Variants in FRY observed in about 807,000 individuals in gnomAD.
The protein encoded by FRY is FRY microtubule binding protein.
Under a neutral mutation model 348.4 loss-of-function variants are expected in FRY, and 128 were observed. The ratio of observed to expected loss-of-function variants is 0.37; its 90% CI spans 0.32 to 0.43. The LOEUF is 0.43. Ranked by LOEUF, FRY falls within the 20% of genes least tolerant of loss-of-function variation. The pLI, the probability that FRY is intolerant of heterozygous loss-of-function variation, is 1.00. For synonymous variants in FRY, 1,370 were observed against 1,374.7 expected (o/e 1.00, Z 0.08); for missense variants, 2,736 against 3,695.2 (o/e 0.74, Z 6.73).
At chr13:32,108,952 G>A (rs937719323) in intron 3 of FRY, among the ~76,000 whole-genome samples, 3 of 152,128 alleles carry the variant, frequency 2.0e-5, no homozygotes, top group Admixed American at 2.0e-4. Flanking sequence ...TAATGCCAGT[G>A]GGATGGGGCT....
intron 29 of FRY, 90 bp from the exon 30 acceptor site, chr13:32,201,851 A>G: frequency 2.5e-6 from 2 of 807,722 alleles, no homozygotes; most frequent in South Asian, 2.7e-5. Context: ...GACCGAGGTC[A>G]GCATGCCAGC....
intron 29 of FRY, among the ~76,000 whole-genome samples, chr13:32,195,567 C>A (rs947343270): frequency 2.6e-5 from 4 of 152,158 alleles, no homozygotes; most frequent in African/African-American, 9.7e-5. Context: ...TTGGCTTGAG[C>A]TATCCTAATC....
chr13:32,095,381 T>C (rs1052217924), intron 2 of FRY, among the ~76,000 whole-genome samples: 2 of 129,012 alleles, frequency 1.6e-5, no homozygotes, highest in African/African-American at 2.9e-5. Context: ...GGAGTCTCAC[T>C]CTGTCACCCA....
At chr13:32,135,953 A>T (rs1260704897) in intron 10 of FRY, among the ~76,000 whole-genome samples, 1 of 152,004 alleles carries the variant, frequency 6.6e-6, no homozygotes, top group Non-Finnish European at 1.5e-5. Flanking sequence ...GACTAACTGC[A>T]TGCATATTTT....
At chr13:32,209,379 A>G (rs912374675) in intron 32 of FRY, among the ~76,000 whole-genome samples, 1 of 152,106 alleles carries the variant, frequency 6.6e-6, no homozygotes, top group Non-Finnish European at 1.5e-5. Context: ...TATTTAAAAA[A>G]CTCACATGAA....
intron 38 of FRY, 120 bp from the exon 39 acceptor site, chr13:32,225,669 C>T (rs1885541633): frequency 2.3e-6 from 2 of 870,476 alleles, no homozygotes; most frequent in Admixed American, 3.5e-5. Flanking sequence ...CAAACAATAA[C>T]AAAGAAAACT....
chr13:32,194,105 T>A, intron 28 of FRY, 38 bp from the exon 29 acceptor site: 1 of 1,584,022 alleles, frequency 6.3e-7, no homozygotes, highest in Non-Finnish European at 8.7e-7. Flanking sequence ...CATTCTTTCA[T>A]CAAATGGGAA....
intron 58 of FRY, among the ~76,000 whole-genome samples, chr13:32,289,285 T>C (rs1179677200): frequency 2.0e-5 from 3 of 152,176 alleles, no homozygotes; most frequent in African/African-American, 7.2e-5. Flanking sequence ...GAAATTTTTC[T>C]TTTTAAAAAT....
At chr13:32,175,986 CTTTATAG>C (rs767538412) in intron 20 of FRY, among the ~76,000 whole-genome samples, 38 of 152,224 alleles carry the variant, frequency 2.5e-4, no homozygotes, top group Admixed American at 9.8e-4. Flanking sequence ...TTATGTGGTA[CTTTATAG>C]TTTACAGAGT....
At chr13:32,095,830 C>T (rs1032277818) in intron 2 of FRY, among the ~76,000 whole-genome samples, 6 of 152,144 alleles carry the variant, frequency 3.9e-5, no homozygotes, top group African/African-American at 1.4e-4. Flanking sequence ...CTGAAGCAGG[C>T]CTGAGACTTA....
At chr13:32,034,085 T>G (rs1030237755) in intron 1 of FRY, among the ~76,000 whole-genome samples, 1 of 152,208 alleles carries the variant, frequency 6.6e-6, no homozygotes, top group African/African-American at 2.4e-5. Flanking sequence ...CTCACAAGTT[T>G]GAGAGGTGAG....
At chr13:32,132,125 A>G (rs777736901) in intron 8 of FRY, among the ~76,000 whole-genome samples, 10 of 152,118 alleles carry the variant, frequency 6.6e-5, no homozygotes, top group Non-Finnish European at 8.8e-5. Context: ...TGAATAAAAT[A>G]TAACTGATTT....
intron 21 of FRY, 118 bp downstream of exon 21, chr13:32,178,554 A>T (rs1200665449): frequency 2.6e-6 from 3 of 1,149,412 alleles, no homozygotes; most frequent in South Asian, 2.9e-5. Flanking sequence ...CCTACTAGAG[A>T]ATTCTTAACA....
At chr13:32,255,804 A>G (rs999881008) in intron 51 of FRY, among the ~76,000 whole-genome samples, 1 of 152,228 alleles carries the variant, frequency 6.6e-6, no homozygotes, top group African/African-American at 2.4e-5. Context: ...GACAGAGCTC[A>G]GAGTTCAGCT....
At chr13:32,123,994 C>A (rs894564398) in intron 4 of FRY, among the ~76,000 whole-genome samples, 2 of 152,216 alleles carry the variant, frequency 1.3e-5, no homozygotes, top group African/African-American at 4.8e-5. Context: ...GCTACCATGC[C>A]ACCTGGCTAA....
In FRY at chr13:32,179,790, T is replaced by A; in HGVS notation, c.2987T>A (p.Leu996His). 1 of 1,613,624 alleles carries A rather than the reference T, an allele frequency of 6.2e-7. No homozygotes were observed. Among genetic ancestry groups the A allele is most frequent in the Non-Finnish European group, 8.5e-7 (1 of 1,179,516 alleles). ...LVLGFGRTNS[L>H]VFRELVEELH... Reference sequence around the variant, plus strand: ...TTAGGATTTGGAAGAACAAATTCCCTTGTTTTCAGGTACAGTAGTCTTAAT... The same window carrying A: ...TTAGGATTTGGAAGAACAAATTCCCATGTTTTCAGGTACAGTAGTCTTAAT... The change falls in exon 23 of 61, where the codon CTT (leucine) becomes CAT (histidine). Residue 996 changes from leucine (L) to histidine (H), a missense_variant. Around this residue, in one of 9 missense-constraint regions of FRY, gnomAD observed 449 missense variants for 576.9 expected, o/e 0.78. Coordinates refer to ENST00000542859, the MANE Select transcript of FRY (RefSeq NM_023037.3).
At chr13:32,125,002 C>T in intron 7 of FRY, 127 bp downstream of exon 7, 1 of 755,380 alleles carries the variant, frequency 1.3e-6, no homozygotes. Context: ...ATGTGTGCCC[C>T]ATCTCTGAAA....
At position 32,224,335 on chromosome 13, in the gene FRY, C is replaced by G. The variant is rs371353662; in HGVS notation, c.4866C>G (p.Pro1622=). Residue 1622 remains proline, a synonymous_variant, in exon 37 of 61, where the codon CCC becomes CCG. Transcript: ENST00000542859. ...PMPCTGGCWA[P]LVDYLPETIT... ...CTTGTACTGGAGGATGCTGGGCCCC[C>G]CTGGTTGACTATCTCCCGGAGACCA... The G allele has an allele frequency of 9.0e-5, 145 of 1,613,918 alleles. No individual in the cohort carries two copies. The highest frequency in any genetic ancestry group is 1.2e-4 in the Non-Finnish European group (138 of 1,179,974).
chr13:32,137,551 G>C lies in FRY; in HGVS notation c.1179+579G>C, dbSNP rs113400164. Among the ~76,000 whole-genome samples, 115 of 152,352 alleles carry C rather than the reference G, an allele frequency of 7.5e-4. 1 individual carries two copies. Among genetic ancestry groups the C allele is most frequent in the African/African-American group, 2.7e-3 (111 of 41,586 alleles). ...TGGCAGTCAGTCCTAAGCATTCACTGTTTCCAGCAATACACCTGCTACACA... is the reference window on the plus strand; with the variant it reads ...TGGCAGTCAGTCCTAAGCATTCACTCTTTCCAGCAATACACCTGCTACACA... On this transcript the variant is annotated intron_variant, in intron 11 of 60. Transcript: ENST00000542859.
Sources: gnomAD v4.1 joint callset for allele counts (sites outside exome capture counted in the v4.1 genomes callset) on GRCh38, gnomAD v4.1.1 for gene constraint, gnomAD v4.1.1 regional missense constraint, MANE v1.5 for transcripts, NCBI Gene and HGNC (gene_info 2026-07-23, HGNC 2026-07-21) for gene names.